The following SPOCK2 variants were observed in gnomAD, a reference collection of about 807,000 sequenced individuals.
SPOCK2 encodes the protein SPARC (osteonectin), cwcv and kazal like domains proteoglycan 2.
SPOCK2 carries 39 observed loss-of-function variants against 60.1 expected under a neutral mutation model. The observed-to-expected ratio is 0.65, with a 90% CI of 0.50 to 0.85. The LOEUF (loss-of-function observed/expected upper bound fraction) is 0.85. Ranked by LOEUF, SPOCK2 falls within the 40% of genes least tolerant of loss-of-function variation. The pLI is 0.00. For missense variants in SPOCK2, 523 were observed against 567.4 expected (o/e 0.92, Z 0.80); for synonymous variants, 217 against 231.5 (o/e 0.94, Z 0.57).
chr10:72,067,392 G>C (rs1451603348), intron 7 of SPOCK2, among the ~76,000 whole-genome samples: 3 of 152,182 alleles, frequency 2.0e-5, no homozygotes, highest in Non-Finnish European at 4.4e-5. Context: ...CAGGGTTTAA[G>C]CTCCCTCCAC....
In SPOCK2 at chr10:72,087,233, C is replaced by G. The variant is rs1418306412; in HGVS notation, c.189+907G>C. Among the ~76,000 whole-genome samples, 1 of 151,994 alleles carries G rather than the reference C, an allele frequency of 6.6e-6. No individual in the cohort carries two copies. The highest frequency in any genetic ancestry group is 6.6e-5 in the Admixed American group (1 of 15,266). On this transcript the variant is annotated intron_variant, in intron 1 of 10. Coordinates refer to ENST00000373109, the MANE Select transcript of SPOCK2 (RefSeq NM_001244950.2). The surrounding 1 kb of genome is among the most constrained non-coding windows in gnomAD (Gnocchi z 4.7). ...GAAGGAGCCAGCCCCGCCGGGCCGC[C>G]GCCTGCGACTTCCCCTCTGATCCAC...
Position 72,087,391 on chromosome 10 carries a change from T to A in SPOCK2, c.189+749A>T, listed in dbSNP as rs1000609237. Among the ~76,000 whole-genome samples, 1 of 152,060 alleles carries A rather than the reference T, an allele frequency of 6.6e-6. No homozygotes were observed. The highest frequency in any genetic ancestry group is 1.5e-5 in the Non-Finnish European group (1 of 67,980). On this transcript the variant is annotated intron_variant, in intron 1 of 10. Coordinates refer to ENST00000373109, the MANE Select transcript of SPOCK2 (RefSeq NM_001244950.2). The surrounding 1 kb of genome is among the most constrained non-coding windows in gnomAD (Gnocchi z 4.7). Reference sequence around the variant, plus strand: ...CCCAGCTTCTGGACTCTCCCCGGCTTCTCAAGCCCACCGGGCCGGGAGCCT... The same window carrying A: ...CCCAGCTTCTGGACTCTCCCCGGCTACTCAAGCCCACCGGGCCGGGAGCCT...
intron 1 of SPOCK2, among the ~76,000 whole-genome samples, chr10:72,075,713 C>A (rs1309181251): frequency 1.3e-5 from 2 of 152,222 alleles, no homozygotes; most frequent in Non-Finnish European, 2.9e-5. Context: ...CAAAGCACTG[C>A]CCCCGGTTCC....
intron 1 of SPOCK2, among the ~76,000 whole-genome samples, 179 bp from the exon 2 acceptor site, chr10:72,073,089 C>A (rs1840671010): frequency 6.6e-6 from 1 of 152,166 alleles, no homozygotes; most frequent in Non-Finnish European, 1.5e-5. Context: ...CAATAAGAGG[C>A]CAGTATTCTT....
intron 1 of SPOCK2, among the ~76,000 whole-genome samples, chr10:72,080,100 G>A (rs544067894): frequency 6.6e-6 from 1 of 152,220 alleles, no homozygotes; most frequent in East Asian, 1.9e-4. Flanking sequence ...GGACTGGGCA[G>A]AGGTTCTGTA....
intron 1 of SPOCK2, among the ~76,000 whole-genome samples, chr10:72,076,868 AGAT>A (rs1840721531): frequency 6.6e-6 from 1 of 152,262 alleles, no homozygotes; most frequent in South Asian, 2.1e-4. Flanking sequence ...AACTGGCCAG[AGAT>A]GGCAAGACAA....
chr10:72,072,621 G>A (rs552962392), intron 2 of SPOCK2, 73 bp from the exon 3 acceptor site: 31 of 1,600,280 alleles, frequency 1.9e-5, no homozygotes, highest in East Asian at 4.5e-5. Context: ...CTGCGGGGTC[G>A]AGGAGAGGCC....
chr10:72,083,323 A>T (rs929380905), intron 1 of SPOCK2, among the ~76,000 whole-genome samples: 23 of 152,218 alleles, frequency 1.5e-4, no homozygotes, highest in African/African-American at 4.8e-4. Flanking sequence ...CTCTTCCTGG[A>T]GTGACAGCAT....
intron 1 of SPOCK2, among the ~76,000 whole-genome samples, chr10:72,085,922 C>T (rs1333160908): frequency 6.6e-6 from 1 of 152,190 alleles, no homozygotes; most frequent in Non-Finnish European, 1.5e-5. Context: ...ACTGTCTGGG[C>T]ACTGCACAAC....
chr10:72,076,139 A>G (rs558182847), intron 1 of SPOCK2, among the ~76,000 whole-genome samples: 46 of 152,112 alleles, frequency 3.0e-4, no homozygotes, highest in Non-Finnish European at 5.3e-4. Flanking sequence ...AGCAGAGACC[A>G]GAAGGGATAC....
intron 9 of SPOCK2, 92 bp downstream of exon 9, chr10:72,064,086 C>T (rs2131809495): frequency 1.3e-6 from 2 of 1,503,786 alleles, no homozygotes; most frequent in Non-Finnish European, 1.8e-6. Flanking sequence ...TCCATGTCTG[C>T]CATGAGGCCC....
rs1158140797 is a variant in SPOCK2 at position 72,061,546 on chromosome 10, G to C, written c.*1214C>G. ...AGCTGCTTCTCTCCGGGGTCTCAGG[G>C]ACAGCTCTCTCTGTTGGTCTGGGCA... On this transcript the variant is annotated 3_prime_UTR_variant, in exon 11 of 11. Coordinates refer to ENST00000373109, the MANE Select transcript of SPOCK2 (RefSeq NM_001244950.2). 4 of 152,752 alleles carry C rather than the reference G, an allele frequency of 2.6e-5. No homozygotes were observed. Among genetic ancestry groups the C allele is most frequent in the African/African-American group, 9.7e-5 (4 of 41,444 alleles). The allele number at this position is 152,752 out of a possible 1,614,324, so 9.5% of individuals were successfully genotyped here.
At position 72,088,443 on chromosome 10, in the gene SPOCK2, CT is replaced by C; in HGVS notation, c.-116del. 1 of 1,276,180 alleles carries C rather than the reference CT, an allele frequency of 7.8e-7. No individual in the cohort carries two copies. Among genetic ancestry groups the C allele is most frequent in the Non-Finnish European group, 1.0e-6 (1 of 957,918 alleles). 79.1% of individuals were successfully genotyped at this position (1,276,180 alleles called of 1,614,324 possible). ...CTGTCCTCAGCTCTCCTCCCGCGGT[CT>C]GCCTCCGGTGACTGGCGGAGAGTGG... On this transcript the variant is annotated 5_prime_UTR_variant, in exon 1 of 11. Transcript: ENST00000373109.
Position 72,068,181 on chromosome 10 carries a change from C to T in SPOCK2, c.589+6G>A, listed in dbSNP as rs1001404813. ...CCCTAGCCTGGTGGCCCAGCACTGT[C>T]CTCACCTGGTTTGCCATCGGCGGTG... On this transcript the variant is annotated splice_donor_region_variant and intron_variant, in intron 6 of 10. Coordinates refer to ENST00000373109, the MANE Select transcript of SPOCK2 (RefSeq NM_001244950.2). 1.2e-6 allele frequency: 2 copies of T among 1,606,668 alleles called. No individual in the cohort carries two copies. The highest frequency in any genetic ancestry group is 2.2e-5 in the East Asian group (1 of 44,630).
At chr10:72,066,492 C>G (rs947698021) in intron 8 of SPOCK2, among the ~76,000 whole-genome samples, 13 of 147,954 alleles carry the variant, frequency 8.8e-5, no homozygotes, top group Non-Finnish European at 1.5e-4. Context: ...TGCATGCCAC[C>G]ATGCCTGGCT....
chr10:72,072,489 G>C lies in SPOCK2; in HGVS notation c.244+14C>G. 6.2e-7 allele frequency: 1 copy of C among 1,613,952 alleles called. No individual in the cohort carries two copies. The highest frequency in any genetic ancestry group is 8.5e-7 in the Non-Finnish European group (1 of 1,180,014). ...CGTGTCAGTCACCTTCCCCCGCCGGGAGAGTCATGTTACCTTCATCTCCTT... is the reference window on the plus strand; with the variant it reads ...CGTGTCAGTCACCTTCCCCCGCCGGCAGAGTCATGTTACCTTCATCTCCTT... On this transcript the variant is annotated intron_variant, in intron 3 of 10. Coordinates refer to ENST00000373109, the MANE Select transcript of SPOCK2 (RefSeq NM_001244950.2).
Position 72,085,917 on chromosome 10 carries a change from C to G in SPOCK2, c.189+2223G>C, listed in dbSNP as rs143979793. On this transcript the variant is annotated intron_variant, in intron 1 of 10. Transcript: ENST00000373109. ...TGCTGGTGGGGACCCTGTGTACTGT[C>G]TGGGCACTGCACAACTTCAGGGGGC... is the stretch of plus-strand genomic sequence containing the variant. 2.0e-5 allele frequency among the ~76,000 whole-genome samples: 3 copies of G among 152,310 alleles called. No individual in the cohort carries two copies. The East Asian group carries it at 5.8e-4, about 29-fold the overall frequency.
intron 4 of SPOCK2, among the ~76,000 whole-genome samples, chr10:72,071,647 C>T (rs530397444): frequency 3.7e-4 from 57 of 152,338 alleles, no homozygotes; most frequent in African/African-American, 1.1e-3. Flanking sequence ...AGAGATACTA[C>T]ATCAAGGCCC....
At chr10:72,073,280 G>A (rs1311260824) in intron 1 of SPOCK2, among the ~76,000 whole-genome samples, 1 of 152,196 alleles carries the variant, frequency 6.6e-6, no homozygotes, top group Non-Finnish European at 1.5e-5. Context: ...GGGTGTCTCA[G>A]AAACTGCCTG....
Sources: allele counts gnomAD v4.1 joint callset (sites outside exome capture counted in the v4.1 genomes callset), GRCh38; gene constraint gnomAD v4.1.1; non-coding constraint Gnocchi (gnomAD v3.1); transcripts MANE v1.5; gene names NCBI Gene and HGNC (gene_info 2026-07-23, HGNC 2026-07-21).